Variants in FAM184A observed in about 807,000 individuals in gnomAD.
FAM184A encodes protein FAM184A.
Under a neutral mutation model 143.8 loss-of-function variants are expected in FAM184A, and 99 were observed. The ratio of observed to expected loss-of-function variants is 0.69; its 90% CI spans 0.58 to 0.81. The LOEUF (loss-of-function observed/expected upper bound fraction) is 0.81. Among genes scored for constraint, FAM184A ranks in the 40% least tolerant of loss-of-function variants. The pLI is 0.00. For synonymous variants in FAM184A, 427 were observed against 446.4 expected, an observed-to-expected ratio of 0.96 and a Z score of 0.55; for missense variants, 1,217 against 1,310.5, an observed-to-expected ratio of 0.93 and a Z score of 1.10.
intron 16 of FAM184A, chr6:118,962,317 A>T (rs936999623): frequency 1.5e-5 from 3 of 201,828 alleles, no homozygotes; most frequent in Non-Finnish European, 3.0e-5. Flanking sequence ...AGTCTTGCAG[A>T]TAGAAGGTTA....
intron 1 of FAM184A, among the ~76,000 whole-genome samples, chr6:119,108,151 G>GTGTGT (rs1554197077): frequency 1.5e-5 from 2 of 130,268 alleles, no homozygotes; most frequent in Non-Finnish European, 3.3e-5. Flanking sequence ...GTGTGTGTGT[G>GTGTGT]GTGTGTAGGG....
At chr6:119,112,137 C>CT (rs1319598625) in intron 1 of FAM184A, among the ~76,000 whole-genome samples, 45 of 144,896 alleles carry the variant, frequency 3.1e-4, no homozygotes, top group Admixed American at 4.1e-4. Context: ...TTCTTTCTTT[C>CT]TTTTTTTTTT....
Position 119,006,277 on chromosome 6 carries a change from A to T in FAM184A, c.1815+170T>A, listed in dbSNP as rs955559740. On this transcript the variant is annotated intron_variant, in intron 7 of 17. Coordinates refer to ENST00000338891, the MANE Select transcript of FAM184A (RefSeq NM_024581.6). ...TTCTAGCCTCCAGAGCTATGAGAGAATAAATTTCTGTTGTTTTAAATTCCC... is the reference window on the plus strand; with the variant it reads ...TTCTAGCCTCCAGAGCTATGAGAGATTAAATTTCTGTTGTTTTAAATTCCC... 1.1e-5 allele frequency: 8 copies of T among 761,870 alleles called. No individual in the cohort carries two copies. In the Admixed American group the frequency reaches 1.6e-4, roughly 15 times the overall value. 47.2% of individuals were successfully genotyped at this position (761,870 alleles called of 1,614,324 possible). A position where few individuals can be genotyped will look rare whatever the true frequency, so the allele number is the denominator to read the frequency against.
chr6:119,120,630 G>A (rs1205241265), intron 1 of FAM184A, among the ~76,000 whole-genome samples: 2 of 152,038 alleles, frequency 1.3e-5, no homozygotes, highest in Non-Finnish European at 2.9e-5. Flanking sequence ...AACGTATGAG[G>A]GTTCAAATTT....
chr6:119,066,582 G>C (rs185670013), intron 1 of FAM184A, among the ~76,000 whole-genome samples: 2 of 152,202 alleles, frequency 1.3e-5, no homozygotes, highest in Non-Finnish European at 2.9e-5. Context: ...AGAATAGAGA[G>C]AGCAAATAGC....
intron 1 of FAM184A, among the ~76,000 whole-genome samples, chr6:119,057,575 A>T (rs1179611591): frequency 6.6e-6 from 1 of 152,042 alleles, no homozygotes; most frequent in African/African-American, 2.4e-5. Context: ...CCCCAACTGT[A>T]CAAAAAAATT....
At chr6:119,006,843 T>C (rs1308847938) in intron 6 of FAM184A, among the ~76,000 whole-genome samples, 2 of 152,190 alleles carry the variant, frequency 1.3e-5, no homozygotes, top group Non-Finnish European at 2.9e-5. Context: ...GGAATAGATA[T>C]ACCTTTGTTT....
chr6:119,143,121 C>T (rs1479366288), intron 1 of FAM184A, among the ~76,000 whole-genome samples: 4 of 152,252 alleles, frequency 2.6e-5, no homozygotes, highest in South Asian at 4.1e-4. Context: ...TGAAAGAATA[C>T]GTTTGTGTTG....
intron 1 of FAM184A, among the ~76,000 whole-genome samples, chr6:119,108,383 C>T (rs1562153539): frequency 6.6e-6 from 1 of 152,062 alleles, no homozygotes; most frequent in Non-Finnish European, 1.5e-5. Context: ...TGTTAAATAG[C>T]CTCTACCCCA....
intron 3 of FAM184A, among the ~76,000 whole-genome samples, chr6:119,022,402 T>C (rs1391582093): frequency 1.3e-5 from 2 of 152,086 alleles, no homozygotes; most frequent in African/African-American, 2.4e-5. Flanking sequence ...TTACCTGCTA[T>C]TGGTATTTTT....
intron 1 of FAM184A, among the ~76,000 whole-genome samples, chr6:119,033,940 G>A (rs752571714): frequency 1.5e-3 from 185 of 126,034 alleles, no homozygotes; most frequent in Non-Finnish European, 2.3e-3. Flanking sequence ...GCAGTGAGCC[G>A]AGATCATGCC....
chr6:118,976,032 G>C lies in FAM184A; in HGVS notation c.2468C>G (p.Ser823Ter), dbSNP rs377472426. Reference protein sequence around the residue: ...EGKAMLASLRSELNHQHAAAI... With the variant: ...EGKAMLASLR The stretch of plus-strand genomic sequence containing the variant: ...AGCTGCATGTTGATGGTTGAGTTCT[G>C]AGCGCAAGGAAGCTGGAATTGCAAG... Residue 823 changes from serine (S) to a stop codon, truncating the protein, a stop_gained, in exon 12 of 18, where the codon TCA (serine) becomes TGA (stop). Transcript: ENST00000338891. LOFTEE classifies it high-confidence loss of function. The C allele has an allele frequency of 6.2e-7, 1 of 1,611,214 alleles. No individual in the cohort carries two copies. Among genetic ancestry groups the C allele is most frequent in the African/African-American group, 1.3e-5 (1 of 74,936 alleles).
At chr6:119,062,452 C>G (rs1414425579) in intron 1 of FAM184A, among the ~76,000 whole-genome samples, 1 of 151,924 alleles carries the variant, frequency 6.6e-6, no homozygotes, top group African/African-American at 2.4e-5. Context: ...TTGCTTGAGC[C>G]CTGGAATAAC....
rs758606061 is a variant in FAM184A at position 119,024,772 on chromosome 6, A to G, written c.201T>C (p.Ser67=). The G allele has an allele frequency of 1.9e-6, 3 of 1,611,788 alleles. No individual in the cohort carries two copies. Among genetic ancestry groups the G allele is most frequent in the South Asian group, 2.2e-5 (2 of 90,834 alleles). ...ALNTKNDEHE[S]AIQALKDAHE... is the part of the protein sequence containing the mutation. ...GAGCATCTTTGAGGGCTTGAATTGC[A>G]GATTCATGCTCATCATTTTTAGTGT... The change falls in exon 2 of 18, where the codon TCT becomes TCC. Residue 67 remains serine (S), a synonymous_variant. Coordinates refer to ENST00000338891, the MANE Select transcript of FAM184A (RefSeq NM_024581.6).
chr6:119,128,560 A>T (rs981332043), intron 1 of FAM184A, among the ~76,000 whole-genome samples: 4 of 152,192 alleles, frequency 2.6e-5, no homozygotes. Context: ...AAGCAAGAAC[A>T]TAATTAGATA....
chr6:119,084,878 C>T (rs1174651804), intron 1 of FAM184A, among the ~76,000 whole-genome samples: 1 of 152,232 alleles, frequency 6.6e-6, no homozygotes, highest in East Asian at 1.9e-4. Flanking sequence ...TCTGAAGCAA[C>T]AGCCCAAGCT....
At chr6:119,014,383 G>A (rs1213000704) in intron 5 of FAM184A, among the ~76,000 whole-genome samples, 1 of 152,198 alleles carries the variant, frequency 6.6e-6, no homozygotes, top group Non-Finnish European at 1.5e-5. Context: ...TAGGCAAAGA[G>A]CTCAGTGTAA....
intron 1 of FAM184A, among the ~76,000 whole-genome samples, chr6:119,053,436 G>A (rs549810757): frequency 6.6e-6 from 1 of 152,142 alleles, no homozygotes; most frequent in Admixed American, 6.5e-5. Context: ...CTGTTCTTAG[G>A]TCCTATCTTC....
At chr6:119,033,787 T>G (rs1471399159) in intron 1 of FAM184A, among the ~76,000 whole-genome samples, 1 of 148,362 alleles carries the variant, frequency 6.7e-6, no homozygotes, top group Admixed American at 6.7e-5. Context: ...AGGCTAGGAG[T>G]TCAAGTCCAG....
Sources: gnomAD v4.1 joint callset for allele counts (sites outside exome capture counted in the v4.1 genomes callset) on GRCh38, gnomAD v4.1.1 for gene constraint, MANE v1.5 for transcripts, NCBI Gene and HGNC (gene_info 2026-07-23, HGNC 2026-07-21) for gene names.